NXPE4: variants seen among roughly 807,000 people sequenced by gnomAD.
NXPE4 encodes neurexophilin and PC-esterase domain family member 4.
A neutral mutation model predicts 33.3 loss-of-function variants in NXPE4; 42 were observed. The observed-to-expected ratio is 1.26, with a 90% CI of 0.98 to 1.63. The LOEUF (loss-of-function observed/expected upper bound fraction) is 1.63, where lower values mean the gene tolerates loss of function less well. Ranked by LOEUF, NXPE4 falls within the 40% of genes most tolerant of loss-of-function variation. The pLI, the probability that NXPE4 is intolerant of heterozygous loss-of-function variation, is 0.00. For synonymous variants in NXPE4, 253 were observed against 234.9 expected, an observed-to-expected ratio of 1.08 and a Z score of -0.71; for missense variants, 709 against 647.6, an observed-to-expected ratio of 1.09 and a Z score of -1.03.
At chr11:114,650,727 A>G in the NXPE4 span, among the ~76,000 whole-genome samples, 1 of 152,180 alleles carries the variant, frequency 6.6e-6, no homozygotes, top group Non-Finnish European at 1.5e-5. Flanking sequence ...ACCCAAGACC[A>G]ACCATGGATA....
At chr11:114,619,139 G>A in the NXPE4 span, among the ~76,000 whole-genome samples, 1 of 152,030 alleles carries the variant, frequency 6.6e-6, no homozygotes, top group East Asian at 1.9e-4. Context: ...GGTAACCACT[G>A]TTACCCAGTG....
At chr11:114,614,185 A>G in the NXPE4 span, among the ~76,000 whole-genome samples, 1 of 142,754 alleles carries the variant, frequency 7.0e-6, no homozygotes, top group South Asian at 2.2e-4. Context: ...AATAAGAGGG[A>G]TATTATCCAC....
intron 5 of NXPE4, among the ~76,000 whole-genome samples, chr11:114,577,472 A>G (rs1465323636): frequency 6.6e-6 from 1 of 152,148 alleles, no homozygotes; most frequent in Non-Finnish European, 1.5e-5. Flanking sequence ...CGATGGGTGC[A>G]TCAAAATCTC....
At chr11:114,671,700 G>C in the NXPE4 span, among the ~76,000 whole-genome samples, 1 of 151,936 alleles carries the variant, frequency 6.6e-6, no homozygotes, top group Non-Finnish European at 1.5e-5. Context: ...TAGCAAAACT[G>C]TCTTTAAAAG....
chr11:114,635,475 G>T, the NXPE4 span, among the ~76,000 whole-genome samples: 4 of 151,862 alleles, frequency 2.6e-5, no homozygotes, highest in Non-Finnish European at 4.4e-5. Flanking sequence ...CTGCGTAATT[G>T]CCCTGGCCAG....
chr11:114,637,103 T>C, the NXPE4 span, among the ~76,000 whole-genome samples: 1 of 151,932 alleles, frequency 6.6e-6, no homozygotes, highest in Non-Finnish European at 1.5e-5. Context: ...AGTCTAAGTC[T>C]CTTTGTAGGT....
the NXPE4 span, among the ~76,000 whole-genome samples, chr11:114,663,606 T>TATC: frequency 3.1e-5 from 3 of 98,182 alleles, no homozygotes; most frequent in Non-Finnish European, 6.6e-5. Context: ...TCTATCTATC[T>TATC]ATCTATCTAT....
chr11:114,596,959 G>A (rs1333130164), upstream of NXPE4, among the ~76,000 whole-genome samples: 1 of 152,156 alleles, frequency 6.6e-6, no homozygotes, highest in Non-Finnish European at 1.5e-5. Flanking sequence ...TTGAAACAGG[G>A]CTGAATCCAA....
chr11:114,571,389 C>T lies in NXPE4; in HGVS notation c.1184G>A (p.Trp395Ter), dbSNP rs1156840332. The T allele has an allele frequency of 6.2e-7, 1 of 1,613,910 alleles. No homozygotes were observed. ...TATCAAGGGATAACAATATTTTTGC[C>T]ACTGGATGTTGATGTTCCTATCCAA... ...VDLDRNINIQWQKYCYPLIGS... is the reference protein window; with the variant it reads ...VDLDRNINIQ Residue 395 changes from tryptophan to a stop codon, truncating the protein, a stop_gained, in exon 6 of 6, where the codon TGG (tryptophan) becomes TAG (stop). Coordinates refer to ENST00000375478, the MANE Select transcript of NXPE4 (RefSeq NM_001077639.2). LOFTEE classifies it low-confidence loss of function (END_TRUNC).
chr11:114,597,883 C>A (rs191984957), upstream of NXPE4, among the ~76,000 whole-genome samples: 1 of 152,188 alleles, frequency 6.6e-6, no homozygotes, highest in African/African-American at 2.4e-5. Context: ...AAAATACAAT[C>A]ATTGTTCTCA....
chr11:114,627,355 G>A, the NXPE4 span, among the ~76,000 whole-genome samples: 1 of 152,000 alleles, frequency 6.6e-6, no homozygotes, highest in Non-Finnish European at 1.5e-5. Flanking sequence ...AGAGAGTGGG[G>A]ACCAATATTC....
chr11:114,613,751 C>T, the NXPE4 span, among the ~76,000 whole-genome samples: 14 of 151,780 alleles, frequency 9.2e-5, no homozygotes, highest in African/African-American at 2.2e-4. Context: ...CACTGTTACC[C>T]GGTGGATAAT....
the NXPE4 span, among the ~76,000 whole-genome samples, chr11:114,630,812 C>G: frequency 1.3e-5 from 2 of 151,702 alleles, no homozygotes; most frequent in Non-Finnish European, 2.9e-5. Context: ...ACAATGAACT[C>G]AAACAAATTT....
chr11:114,608,553 T>TG, the NXPE4 span, among the ~76,000 whole-genome samples: 1 of 151,400 alleles, frequency 6.6e-6, no homozygotes. Context: ...TAATAATTGT[T>TG]GCATCGTGTG....
chr11:114,572,661 A>G (rs1323092565), intron 5 of NXPE4, among the ~76,000 whole-genome samples: 1 of 152,190 alleles, frequency 6.6e-6, no homozygotes, highest in Non-Finnish European at 1.5e-5. Context: ...CAATCCATCA[A>G]AGACAAAAAG....
the NXPE4 span, among the ~76,000 whole-genome samples, chr11:114,667,513 A>G: frequency 6.6e-6 from 1 of 152,088 alleles, no homozygotes; most frequent in South Asian, 2.1e-4. Flanking sequence ...GTAATAATGG[A>G]TTTGTCTTGC....
chr11:114,649,351 A>G, the NXPE4 span, among the ~76,000 whole-genome samples: 1 of 152,226 alleles, frequency 6.6e-6, no homozygotes, highest in Non-Finnish European at 1.5e-5. Context: ...TTAACTGGTG[A>G]ATGGATAGAC....
intron 2 of NXPE4, among the ~76,000 whole-genome samples, chr11:114,590,241 C>G (rs1176171644): frequency 6.6e-6 from 1 of 152,180 alleles, no homozygotes; most frequent in Non-Finnish European, 1.5e-5. Context: ...CACTGAAACT[C>G]TTTTTAATTT....
At position 114,571,074 on chromosome 11, in the gene NXPE4, T is replaced by C. The variant is rs770149653; in HGVS notation, c.1499A>G (p.Lys500Arg). The C allele has an allele frequency of 1.2e-6, 2 of 1,614,030 alleles. No individual in the cohort carries two copies. The highest frequency in any genetic ancestry group is 1.1e-5 in the South Asian group (1 of 91,086). ...CACACTGAGATCCTGGAAAATGTCC[T>C]TTATGATGAGATATTGAATGTAACC... Reference protein sequence around the residue: ...FHGYIQYLIIKDIFQDLSVSI... With the variant: ...FHGYIQYLIIRDIFQDLSVSI... The change falls in exon 6 of 6, where the codon AAG becomes AGG. Residue 500 changes from lysine (K) to arginine (R), a missense_variant. Physicochemically the swap from Lys to Arg is conservative, Grantham distance 26. Coordinates refer to ENST00000375478, the MANE Select transcript of NXPE4 (RefSeq NM_001077639.2).
Sources: gnomAD v4.1 joint callset for allele counts (sites outside exome capture counted in the v4.1 genomes callset) on GRCh38, gnomAD v4.1.1 for gene constraint, MANE v1.5 for transcripts, NCBI Gene and HGNC (gene_info 2026-07-23, HGNC 2026-07-21) for gene names.